TRIO: variants seen among roughly 807,000 people sequenced by gnomAD.
The protein encoded by TRIO is triple functional domain protein.
TRIO carries 58 observed loss-of-function variants against 351.9 expected under a neutral mutation model. The ratio of observed to expected loss-of-function variants is 0.16; its 90% CI spans 0.13 to 0.21. The LOEUF (loss-of-function observed/expected upper bound fraction) is 0.21, where lower values mean the gene tolerates loss of function less well. TRIO is among the 10% of genes least tolerant of loss of function. TRIO has a pLI of 1.00. For synonymous variants in TRIO, 1,758 were observed against 1,595.7 expected (o/e 1.10, Z -2.42); for missense variants, 3,201 against 4,027.8 (o/e 0.79, Z 5.56).
At chr5:14,193,433 A>G (rs1790568825) in intron 1 of TRIO, among the ~76,000 whole-genome samples, 1 of 152,200 alleles carries the variant, frequency 6.6e-6, no homozygotes, top group Non-Finnish European at 1.5e-5. Context: ...TTTTCTGTTT[A>G]GTTTTACTTT....
intron 1 of TRIO, among the ~76,000 whole-genome samples, chr5:14,192,911 T>C (rs1790542294): frequency 6.6e-6 from 1 of 152,236 alleles, no homozygotes; most frequent in African/African-American, 2.4e-5. Context: ...TTGAAGTTAA[T>C]AAGAGTGATT....
intron 34 of TRIO, among the ~76,000 whole-genome samples, chr5:14,421,840 G>A (rs1401955176): frequency 1.3e-5 from 2 of 152,140 alleles, no homozygotes; most frequent in African/African-American, 4.8e-5. Flanking sequence ...GGCAACAAGG[G>A]ATGAGGATTT....
intron 48 of TRIO, chr5:14,490,933 T>C (rs1265416761): frequency 2.2e-6 from 1 of 447,550 alleles, no homozygotes; most frequent in African/African-American, 2.0e-5. Flanking sequence ...AATGCATAAA[T>C]GAGTATGCAC....
At chr5:14,481,387 C>T (rs1473194672) in intron 44 of TRIO, 103 bp downstream of exon 44, 16 of 1,505,798 alleles carry the variant, frequency 1.1e-5, no homozygotes, top group Middle Eastern at 3.6e-4. Flanking sequence ...GGGGTCAAAG[C>T]AGTGGATGAC....
At chr5:14,476,787 C>G in intron 40 of TRIO, 107 bp from the exon 41 acceptor site, 3 of 938,462 alleles carry the variant, frequency 3.2e-6, no homozygotes, top group Non-Finnish European at 4.6e-6. Context: ...GAGTGACACT[C>G]TCTCAAAAAA....
At chr5:14,186,514 T>G (rs1318011504) in intron 1 of TRIO, among the ~76,000 whole-genome samples, 2 of 152,092 alleles carry the variant, frequency 1.3e-5, no homozygotes, top group African/African-American at 4.8e-5. Context: ...CACAGAGGCA[T>G]GGGGTTTCTT....
intron 1 of TRIO, among the ~76,000 whole-genome samples, chr5:14,172,869 C>A (rs1276128134): frequency 6.6e-6 from 1 of 152,170 alleles, no homozygotes; most frequent in Non-Finnish European, 1.5e-5. Context: ...CTTGAGCCTG[C>A]TGAGGGATCA....
chr5:14,167,917 A>T (rs1447872794), intron 1 of TRIO, among the ~76,000 whole-genome samples: 8 of 152,066 alleles, frequency 5.3e-5, no homozygotes, highest in Admixed American at 1.3e-4. Flanking sequence ...TCTTTTTTTT[A>T]AATTGTGCTT....
intron 41 of TRIO, among the ~76,000 whole-genome samples, chr5:14,477,639 G>C (rs780508465): frequency 1.3e-5 from 2 of 152,166 alleles, no homozygotes; most frequent in Non-Finnish European, 2.9e-5. Context: ...TTAAAGGTTA[G>C]TTGCAATACG....
chr5:14,185,149 C>T (rs1280271736), intron 1 of TRIO, among the ~76,000 whole-genome samples: 1 of 145,212 alleles, frequency 6.9e-6, no homozygotes, highest in Non-Finnish European at 1.5e-5. Context: ...AAATTCGCCC[C>T]CCTTCCCCGC....
At chr5:14,226,467 C>T (rs1316252450) in intron 1 of TRIO, among the ~76,000 whole-genome samples, 1 of 152,118 alleles carries the variant, frequency 6.6e-6, no homozygotes, top group Non-Finnish European at 1.5e-5. Context: ...GGACGACAAA[C>T]AGAATAATTT....
At chr5:14,320,757 A>G (rs1476569395) in intron 9 of TRIO, among the ~76,000 whole-genome samples, 1 of 152,178 alleles carries the variant, frequency 6.6e-6, no homozygotes, top group East Asian at 1.9e-4. Flanking sequence ...TTCTCAAGGA[A>G]TTTATAATCT....
chr5:14,325,435 G>T (rs1176431065), intron 9 of TRIO, among the ~76,000 whole-genome samples: 2 of 152,168 alleles, frequency 1.3e-5, no homozygotes. Flanking sequence ...AACACACGGC[G>T]AGAGAGAAGC....
At position 14,489,172 on chromosome 5, in the gene TRIO, A is replaced by G. The variant is rs1756288496; in HGVS notation, c.7632+912A>G. 4 of 593,944 alleles carry G rather than the reference A, an allele frequency of 6.7e-6. No homozygotes were observed. In the South Asian group the frequency reaches 8.8e-5, roughly 13 times the overall value. The allele number at this position is 593,944 out of a possible 1,614,324, so 36.8% of individuals were successfully genotyped here. ...CTGTGTCTCTCTTTATATTAAAAAA[A>G]AAATCTAGCTTTTGCATGTCTTTCT... On this transcript the variant is annotated intron_variant, in intron 48 of 56. Transcript: ENST00000344204.
intron 33 of TRIO, among the ~76,000 whole-genome samples, chr5:14,415,443 G>GAGCCA (rs1749561111): frequency 6.6e-6 from 1 of 152,128 alleles, no homozygotes; most frequent in African/African-American, 2.4e-5. Flanking sequence ...ATGCCTCATT[G>GAGCCA]TTGTGTCCAG....
intron 27 of TRIO, among the ~76,000 whole-genome samples, chr5:14,391,857 T>C (rs1747111546): frequency 6.6e-6 from 1 of 152,256 alleles, no homozygotes; most frequent in Non-Finnish European, 1.5e-5. Context: ...TAGATGACCC[T>C]GTTTTAATTG....
At chr5:14,404,646 G>A (rs987988654) in intron 31 of TRIO, among the ~76,000 whole-genome samples, 1 of 151,824 alleles carries the variant, frequency 6.6e-6, no homozygotes, top group Non-Finnish European at 1.5e-5. Flanking sequence ...CTTTCCCCCC[G>A]CTTTCCCCGG....
chr5:14,356,227 C>A (rs1743599527), intron 11 of TRIO, among the ~76,000 whole-genome samples: 1 of 152,114 alleles, frequency 6.6e-6, no homozygotes, highest in Non-Finnish European at 1.5e-5. Flanking sequence ...GCTCAGTGAA[C>A]AAATTGTAGT....
At chr5:14,436,094 T>G (rs1052191246) in intron 34 of TRIO, among the ~76,000 whole-genome samples, 7 of 152,196 alleles carry the variant, frequency 4.6e-5, no homozygotes, top group African/African-American at 1.7e-4. Flanking sequence ...TCTCCGTCTC[T>G]TCTTGTATTC....
Sources: gnomAD v4.1 joint callset for allele counts (sites outside exome capture counted in the v4.1 genomes callset) on GRCh38, gnomAD v4.1.1 for gene constraint, MANE v1.5 for transcripts, NCBI Gene and HGNC (gene_info 2026-07-23, HGNC 2026-07-21) for gene names.